The following CELF4 variants were observed in gnomAD, a reference collection of about 807,000 sequenced individuals.
The protein encoded by CELF4 is CUGBP Elav-like family member 4.
In CELF4, 18 loss-of-function variants were observed where a neutral mutation model predicts 59.9. The observed-to-expected ratio is 0.30, with a 90% CI of 0.21 to 0.45. CELF4 has a LOEUF of 0.45. CELF4 is among the 20% of genes least tolerant of loss of function. The pLI is 1.00. For missense variants in CELF4, 456 were observed against 689.0 expected (o/e 0.66, Z 3.79); for synonymous variants, 261 against 267.1 (o/e 0.98, Z 0.22).
chr18:37,518,056 A>T (rs957219373), intron 1 of CELF4, among the ~76,000 whole-genome samples: 8 of 152,090 alleles, frequency 5.3e-5, no homozygotes, highest in African/African-American at 1.9e-4. Flanking sequence ...GGTGGGTGGC[A>T]CTGGGCCATG....
chr18:37,352,497 G>T (rs546582497), intron 2 of CELF4, among the ~76,000 whole-genome samples: 48 of 152,026 alleles, frequency 3.2e-4, no homozygotes, highest in African/African-American at 1.1e-3. Flanking sequence ...AATTAGCCAG[G>T]CTGGAGGATC....
chr18:37,366,615 G>T (rs1430860386), intron 2 of CELF4, among the ~76,000 whole-genome samples: 1 of 152,146 alleles, frequency 6.6e-6, no homozygotes, highest in African/African-American at 2.4e-5. Flanking sequence ...ATGGAGCCTG[G>T]GAGAAGGTGG....
At chr18:37,493,337 G>A (rs1448451138) in intron 1 of CELF4, among the ~76,000 whole-genome samples, 2 of 152,226 alleles carry the variant, frequency 1.3e-5, no homozygotes, top group Admixed American at 1.3e-4. Flanking sequence ...GCAATGGTCT[G>A]TCTCATTTTG....
rs2066660306 is a variant in CELF4, at chr18:37,253,228, AG to A, written c.*44+538del. Among the ~76,000 whole-genome samples, 1 of 152,156 alleles carries A rather than the reference AG, an allele frequency of 6.6e-6. No homozygotes were observed. Among genetic ancestry groups the A allele is most frequent in the African/African-American group, 2.4e-5 (1 of 41,430 alleles). ...TTCATCCCATCCTGCTTTGTTTCTT[AG>A]TAAAGTTCCCTTTGAAAGATCCTGT... On this transcript the variant is annotated intron_variant, in intron 12 of 12. Transcript: ENST00000420428. This position sits in a 1 kb window ranked among gnomAD's most constrained non-coding sequence, Gnocchi z 4.5.
chr18:37,559,546 C>T (rs1191453863), intron 1 of CELF4, among the ~76,000 whole-genome samples: 1 of 151,968 alleles, frequency 6.6e-6, no homozygotes, highest in African/African-American at 2.4e-5. Context: ...CCACCTTGAG[C>T]CTTATTCTCT....
chr18:37,335,440 G>A (rs2097733322), intron 2 of CELF4, among the ~76,000 whole-genome samples: 1 of 152,028 alleles, frequency 6.6e-6, no homozygotes, highest in African/African-American at 2.4e-5. Flanking sequence ...GCAAATGCAT[G>A]TGTGTGCATG....
At chr18:37,318,308 C>A (rs2096940909) in intron 3 of CELF4, among the ~76,000 whole-genome samples, 1 of 151,872 alleles carries the variant, frequency 6.6e-6, no homozygotes, top group Admixed American at 6.6e-5. Flanking sequence ...TATCCCCTCA[C>A]CTCTCTACTT....
Position 37,400,983 on chromosome 18 carries a change from T to C in CELF4, c.370-79102A>G, listed in dbSNP as rs2099319587. On this transcript the variant is annotated intron_variant, in intron 2 of 12. Coordinates refer to ENST00000420428, the MANE Select transcript of CELF4 (RefSeq NM_020180.4). ...CCCAGCGGGGCCTGGGCCCTTCTGATGCAGTGTTGGGCCTGGCAGGGGCCC... is the reference window on the plus strand; with the variant it reads ...CCCAGCGGGGCCTGGGCCCTTCTGACGCAGTGTTGGGCCTGGCAGGGGCCC... 2.0e-5 allele frequency among the ~76,000 whole-genome samples: 3 copies of C among 152,324 alleles called. No individual in the cohort carries two copies. In the South Asian group the frequency reaches 6.2e-4, roughly 32 times the overall value.
At chr18:37,399,351 C>CG (rs1464459169) in intron 2 of CELF4, among the ~76,000 whole-genome samples, 1 of 152,146 alleles carries the variant, frequency 6.6e-6, no homozygotes, top group African/African-American at 2.4e-5. Flanking sequence ...CTGCCTCATG[C>CG]ACTTGTGTCC....
chr18:37,354,389 G>C (rs1418880885), intron 2 of CELF4, among the ~76,000 whole-genome samples: 1 of 152,126 alleles, frequency 6.6e-6, no homozygotes, highest in African/African-American at 2.4e-5. Context: ...TGTGGGGACT[G>C]GTGGGGGGCG....
At chr18:37,305,805 T>G (rs2096362555) in intron 3 of CELF4, 1 of 152,292 alleles carries the variant, frequency 6.6e-6, no homozygotes, top group Non-Finnish European at 1.5e-5. Flanking sequence ...AGGGGGCTAC[T>G]AAGGTAGGTT....
intron 2 of CELF4, among the ~76,000 whole-genome samples, chr18:37,457,680 C>T (rs2099782117): frequency 6.6e-6 from 1 of 152,202 alleles, no homozygotes; most frequent in Non-Finnish European, 1.5e-5. Flanking sequence ...ATCTCCACTT[C>T]CTCCTCCTTT....
chr18:37,383,242 C>T (rs1005032378), intron 2 of CELF4, among the ~76,000 whole-genome samples: 1 of 152,086 alleles, frequency 6.6e-6, no homozygotes, highest in African/African-American at 2.4e-5. Flanking sequence ...CCTGGCAGAC[C>T]AGGCAGAGCA....
intron 2 of CELF4, among the ~76,000 whole-genome samples, chr18:37,447,568 C>T (rs1329325059): frequency 2.6e-5 from 4 of 152,318 alleles, no homozygotes; most frequent in Non-Finnish European, 4.4e-5. Context: ...CGCTCCCCAG[C>T]CTCCAGGAGC....
chr18:37,503,973 G>A (rs1763421873), intron 1 of CELF4, among the ~76,000 whole-genome samples: 2 of 152,202 alleles, frequency 1.3e-5, no homozygotes, highest in South Asian at 4.1e-4. Context: ...GGCCAAGAGA[G>A]TGGCTTCCAG....
At chr18:37,462,262 A>G (rs78768434) in intron 2 of CELF4, among the ~76,000 whole-genome samples, 1 of 152,314 alleles carries the variant, frequency 6.6e-6, no homozygotes, top group African/African-American at 2.4e-5. Context: ...AGGAGAAGCT[A>G]GCATCACGGT....
At chr18:37,353,652 G>T (rs1347284231) in intron 2 of CELF4, among the ~76,000 whole-genome samples, 2 of 148,874 alleles carry the variant, frequency 1.3e-5, no homozygotes, top group African/African-American at 5.0e-5. Flanking sequence ...CTGGGGGAAA[G>T]GTGGGGGACT....
chr18:37,362,368 T>TCAAGGC (rs1319028399), intron 2 of CELF4, among the ~76,000 whole-genome samples: 1 of 152,134 alleles, frequency 6.6e-6, no homozygotes, highest in Non-Finnish European at 1.5e-5. Flanking sequence ...CAGCCGAAGG[T>TCAAGGC]CAAGGCCAAG....
rs1190434065 is a variant in CELF4, at chr18:37,470,895, A to T, written c.369+14630T>A. ...GTGTGTGTGTGTGTGTGTGACAGAG[A>T]GAGAGAGAGAGAGAGAGAGAGAGAG... is the stretch of plus-strand genomic sequence containing the variant. On this transcript the variant is annotated intron_variant, in intron 2 of 12. Transcript: ENST00000420428. Among the ~76,000 whole-genome samples, 448 of 140,038 alleles carry T rather than the reference A, an allele frequency of 3.2e-3. 3 individuals are homozygous for T. The highest frequency in any genetic ancestry group is 0.011 in the African/African-American group (428 of 38,128). The allele number at this position is 140,038 out of a possible 152,430, so 91.9% of individuals were successfully genotyped here.
Sources: allele counts gnomAD v4.1 joint callset (sites outside exome capture counted in the v4.1 genomes callset), GRCh38; gene constraint gnomAD v4.1.1; non-coding constraint Gnocchi (gnomAD v3.1); transcripts MANE v1.5; gene names NCBI Gene and HGNC (gene_info 2026-07-23, HGNC 2026-07-21).